The following LRRC8B variants were observed in gnomAD, a reference collection of about 807,000 sequenced individuals.
LRRC8B encodes leucine rich repeat containing 8 VRAC subunit B.
Under a neutral mutation model 58.8 loss-of-function variants are expected in LRRC8B, and 23 were observed. The observed-to-expected ratio is 0.39, with a 90% confidence interval of 0.28 to 0.55. The LOEUF (loss-of-function observed/expected upper bound fraction) is 0.55. Among genes scored for constraint, LRRC8B ranks in the 20% least tolerant of loss-of-function variants. The pLI is 0.62. For synonymous variants in LRRC8B, 359 were observed against 374.1 expected (o/e 0.96, Z 0.47); for missense variants, 694 against 936.0 (o/e 0.74, Z 3.37).
intron 3 of LRRC8B, among the ~76,000 whole-genome samples, chr1:89,577,760 GA>G (rs2101040094): frequency 6.6e-6 from 1 of 152,232 alleles, no homozygotes; most frequent in East Asian, 1.9e-4. Flanking sequence ...GTTTAGCTGA[GA>G]AAGTAGATTA....
In LRRC8B at chr1:89,592,924, C is replaced by T. The variant is rs1266057943; in HGVS notation, c.2293C>T (p.Pro765Ser). ...TGGTAATTACCTGGAAACACTTCCT[C>T]CTGAACTAGAAGGATGTCAGTCCCT... ...LIGNYLETLP[P>S]ELEGCQSLKR... is the part of the protein sequence containing the mutation. Residue 765 changes from proline (P) to serine (S), a missense_variant, in exon 6 of 6, where the codon CCT becomes TCT. Coordinates refer to ENST00000330947, the MANE Select transcript of LRRC8B (RefSeq NM_001369817.2). The T allele has an allele frequency of 1.4e-5, 23 of 1,613,940 alleles. No individual in the cohort carries two copies. The highest frequency in any genetic ancestry group is 1.9e-5 in the Non-Finnish European group (22 of 1,179,958).
chr1:89,574,978 C>T (rs1033575425), intron 3 of LRRC8B, among the ~76,000 whole-genome samples: 2 of 152,220 alleles, frequency 1.3e-5, no homozygotes, highest in African/African-American at 2.4e-5. Flanking sequence ...CTAATAATTT[C>T]AAGGGTCTTG....
chr1:89,573,174 C>A (rs562406003), intron 3 of LRRC8B, among the ~76,000 whole-genome samples: 8 of 152,096 alleles, frequency 5.3e-5, no homozygotes, highest in African/African-American at 1.9e-4. Context: ...GTGGCAGGCA[C>A]CTGTAGTCCC....
chr1:89,528,257 G>A (rs1021485642), intron 1 of LRRC8B, among the ~76,000 whole-genome samples: 4 of 151,942 alleles, frequency 2.6e-5, no homozygotes, highest in Non-Finnish European at 5.9e-5. Context: ...TTTCTCTTCC[G>A]TATCCAGCTC....
At chr1:89,558,541 A>G (rs2100944205) in intron 1 of LRRC8B, among the ~76,000 whole-genome samples, 1 of 152,298 alleles carries the variant, frequency 6.6e-6, no homozygotes, top group African/African-American at 2.4e-5. Flanking sequence ...CCCATCCAAG[A>G]CAGTGGTAGC....
intron 1 of LRRC8B, among the ~76,000 whole-genome samples, chr1:89,536,491 C>T (rs1478821319): frequency 6.6e-6 from 1 of 152,164 alleles, no homozygotes; most frequent in Non-Finnish European, 1.5e-5. Flanking sequence ...CTAGAGTTTT[C>T]ATTCAATACA....
rs1557631184 is a variant in LRRC8B at position 89,595,411 on chromosome 1, T to A, written c.*2368T>A. The A allele has an allele frequency of 6.6e-6, 1 of 152,140 alleles. No individual in the cohort carries two copies. The highest frequency in any genetic ancestry group is 6.5e-5 in the Admixed American group (1 of 15,272). 9.4% of individuals were successfully genotyped at this position (152,140 alleles called of 1,614,324 possible). A position where few individuals can be genotyped will look rare whatever the true frequency, so the allele number is the denominator to read the frequency against. ...AAGTGCTTAAATGTTTTTGGCCACATAACTAGCTAGAATTTCAAAACAAAA... is the reference window on the plus strand; with the variant it reads ...AAGTGCTTAAATGTTTTTGGCCACAAAACTAGCTAGAATTTCAAAACAAAA... On this transcript the variant is annotated 3_prime_UTR_variant, in exon 6 of 6. Transcript: ENST00000330947.
intron 1 of LRRC8B, among the ~76,000 whole-genome samples, chr1:89,541,089 G>A (rs1482926088): frequency 6.6e-6 from 1 of 152,162 alleles, no homozygotes; most frequent in Non-Finnish European, 1.5e-5. Context: ...TCTTCTGACT[G>A]GAAATGGGAA....
chr1:89,578,216 A>G (rs765329189), intron 3 of LRRC8B, among the ~76,000 whole-genome samples: 1 of 152,254 alleles, frequency 6.6e-6, no homozygotes, highest in Non-Finnish European at 1.5e-5. Context: ...GTATATTTCT[A>G]ATATTTAAGG....
chr1:89,542,675 A>G (rs767719190), intron 1 of LRRC8B, among the ~76,000 whole-genome samples: 11 of 152,238 alleles, frequency 7.2e-5, no homozygotes, highest in Non-Finnish European at 1.6e-4. Context: ...AAGTCACATA[A>G]CTGTCTCAGT....
At position 89,584,270 on chromosome 1, in the gene LRRC8B, A is replaced by G. The variant is rs755102467; in HGVS notation, c.1620A>G (p.Leu540=). ...AGGGCTTTCAGGACTTAAAAAATCT[A>G]AGGACCCTGTACTTGAAGAGCAGCC... is the stretch of plus-strand genomic sequence containing the variant. ...QLEGFQDLKN[L]RTLYLKSSLS... is the part of the protein sequence containing the mutation. The change falls in exon 5 of 6, where the codon CTA becomes CTG. Residue 540 remains leucine (L), a synonymous_variant. Coordinates refer to ENST00000330947, the MANE Select transcript of LRRC8B (RefSeq NM_001369817.2). 16 of 1,613,598 alleles carry G rather than the reference A, an allele frequency of 9.9e-6. No individual in the cohort carries two copies. Among genetic ancestry groups the G allele is most frequent in the Non-Finnish European group, 5.9e-6 (7 of 1,180,026 alleles).
chr1:89,576,266 G>A (rs766296497), intron 3 of LRRC8B, among the ~76,000 whole-genome samples: 18 of 152,282 alleles, frequency 1.2e-4, no homozygotes, highest in Middle Eastern at 3.4e-3. Flanking sequence ...TTTGTAGTCT[G>A]TAGAGGGGAG....
chr1:89,543,658 G>A (rs370170543), intron 1 of LRRC8B, among the ~76,000 whole-genome samples: 3 of 151,956 alleles, frequency 2.0e-5, no homozygotes, highest in African/African-American at 7.2e-5. Flanking sequence ...AGCAGCCCTG[G>A]CTAATTTTTT....
rs926596438 is a variant in LRRC8B, at chr1:89,594,067, G to C, written c.*1024G>C. 3 of 151,882 alleles carry C rather than the reference G, an allele frequency of 2.0e-5. No homozygotes were observed. The highest frequency in any genetic ancestry group is 2.0e-4 in the Admixed American group (3 of 15,260). The allele number at this position is 151,882 out of a possible 1,614,324, so 9.4% of individuals were successfully genotyped here. Reference sequence around the variant, plus strand: ...AAAATTTCTTCTTGTCTATCATCAAGGCCTTTTTTTATTTGTTAAGAATTT... The same window carrying C: ...AAAATTTCTTCTTGTCTATCATCAACGCCTTTTTTTATTTGTTAAGAATTT... On this transcript the variant is annotated 3_prime_UTR_variant, in exon 6 of 6. Transcript: ENST00000330947.
intron 1 of LRRC8B, among the ~76,000 whole-genome samples, chr1:89,546,778 C>T (rs535755331): frequency 3.5e-4 from 54 of 152,272 alleles, no homozygotes; most frequent in Non-Finnish European, 6.3e-4. Flanking sequence ...CAAAGTTCCT[C>T]CTCCTTCTTG....
intron 1 of LRRC8B, among the ~76,000 whole-genome samples, chr1:89,537,567 G>C (rs965600585): frequency 6.6e-6 from 1 of 152,126 alleles, no homozygotes; most frequent in African/African-American, 2.4e-5. Flanking sequence ...CTACCTCCTG[G>C]GTTCAAGCGA....
chr1:89,554,143 T>C (rs1652010904), intron 1 of LRRC8B, among the ~76,000 whole-genome samples: 1 of 152,166 alleles, frequency 6.6e-6, no homozygotes, highest in South Asian at 2.1e-4. Context: ...CTAATCACCT[T>C]TCTACTCTTA....
intron 1 of LRRC8B, among the ~76,000 whole-genome samples, chr1:89,543,326 AAG>A: frequency 6.6e-6 from 1 of 152,342 alleles, no homozygotes; most frequent in African/African-American, 2.4e-5. Flanking sequence ...AAAGTAACAT[AAG>A]TCTAAGGTAT....
chr1:89,527,467 G>A (rs1251026828), intron 1 of LRRC8B, among the ~76,000 whole-genome samples: 5 of 152,220 alleles, frequency 3.3e-5, no homozygotes, highest in Admixed American at 3.3e-4. Flanking sequence ...CTGCTATCCT[G>A]ACTCCCAGAG....
Sources: gnomAD v4.1 joint callset for allele counts (sites outside exome capture counted in the v4.1 genomes callset) on GRCh38, gnomAD v4.1.1 for gene constraint, MANE v1.5 for transcripts, NCBI Gene and HGNC (gene_info 2026-07-23, HGNC 2026-07-21) for gene names.